AGBL4: variants seen among roughly 807,000 people sequenced by gnomAD.
AGBL4 encodes the protein AGBL carboxypeptidase 4.
Under a neutral mutation model 66.4 loss-of-function variants are expected in AGBL4, and 58 were observed. That is an observed-to-expected ratio of 0.87 (90% CI 0.71 to 1.09). AGBL4 has a LOEUF of 1.09. Ranked by LOEUF, AGBL4 falls within the 50% of genes least tolerant of loss-of-function variation. The probability of loss-of-function intolerance (pLI) is 0.00; values close to 1 mark genes in which losing one functional copy is unlikely to be tolerated. For missense variants in AGBL4, 579 were observed against 631.0 expected (o/e 0.92, Z 0.88); for synonymous variants, 234 against 222.9 (o/e 1.05, Z -0.44).
intron 2 of AGBL4, chr1:49,846,525 A>C: frequency 1.5e-6 from 1 of 661,190 alleles, no homozygotes; most frequent in Non-Finnish European, 2.4e-6. Context: ...ACAGACTAAT[A>C]CAAAAGTGAA....
intron 2 of AGBL4, among the ~76,000 whole-genome samples, chr1:49,765,929 T>C (rs958330199): frequency 2.0e-5 from 3 of 152,132 alleles, no homozygotes; most frequent in Non-Finnish European, 4.4e-5. Context: ...TTGAGAAATA[T>C]GGAATTATGT....
intron 3 of AGBL4, among the ~76,000 whole-genome samples, chr1:49,556,339 G>A (rs1462574805): frequency 6.6e-6 from 1 of 151,974 alleles, no homozygotes; most frequent in Non-Finnish European, 1.5e-5. Flanking sequence ...GGAACACTTG[G>A]ACACAGGAAG....
At chr1:49,990,619 T>G (rs1157280670) in intron 1 of AGBL4, among the ~76,000 whole-genome samples, 1 of 152,192 alleles carries the variant, frequency 6.6e-6, no homozygotes, top group Non-Finnish European at 1.5e-5. Flanking sequence ...TTCTTTTAGC[T>G]ACTGTATACA....
chr1:49,107,387 A>C (rs964846539), intron 4 of AGBL4, among the ~76,000 whole-genome samples: 2 of 152,210 alleles, frequency 1.3e-5, no homozygotes, highest in Non-Finnish European at 2.9e-5. Flanking sequence ...TTCAACTTAC[A>C]ATAGGTTTAT....
intron 6 of AGBL4, among the ~76,000 whole-genome samples, chr1:48,861,655 C>G (rs1313276836): frequency 6.6e-6 from 1 of 152,184 alleles, no homozygotes; most frequent in Non-Finnish European, 1.5e-5. Flanking sequence ...GAATGCAAGA[C>G]AGGCTTTCCC....
At chr1:48,792,400 A>T (rs1274565587) in intron 6 of AGBL4, among the ~76,000 whole-genome samples, 1 of 152,220 alleles carries the variant, frequency 6.6e-6, no homozygotes, top group African/African-American at 2.4e-5. Context: ...TGGCATCCCT[A>T]GGAAACCAAT....
In AGBL4 at chr1:48,618,440, C is replaced by T. The variant is rs554290518; in HGVS notation, c.951+16053G>A. On this transcript the variant is annotated intron_variant, in intron 9 of 13. Coordinates refer to ENST00000371839, the MANE Select transcript of AGBL4 (RefSeq NM_032785.4). Reference sequence around the variant, plus strand: ...TTTGATTAACAATTCTATAGTACTACAGTCCCACTGTGTGACCTGGAGCAA... The same window carrying T: ...TTTGATTAACAATTCTATAGTACTATAGTCCCACTGTGTGACCTGGAGCAA... Among the ~76,000 whole-genome samples the T allele has an allele frequency of 3.9e-5, 6 of 152,266 alleles. No individual in the cohort carries two copies. The South Asian group carries it at 1.0e-3, about 26-fold the overall frequency.
At chr1:48,941,164 G>A (rs1655937425) in intron 5 of AGBL4, among the ~76,000 whole-genome samples, 2 of 152,226 alleles carry the variant, frequency 1.3e-5, no homozygotes, top group African/African-American at 4.8e-5. Context: ...TCCTAGTATA[G>A]TGAATATCAG....
chr1:48,990,197 G>A (rs1487065511), intron 5 of AGBL4, among the ~76,000 whole-genome samples: 1 of 152,002 alleles, frequency 6.6e-6, no homozygotes, highest in Non-Finnish European at 1.5e-5. Flanking sequence ...GAAATGTCTA[G>A]TCAAATCTTT....
At chr1:48,550,097 C>T (rs775718630) in intron 11 of AGBL4, among the ~76,000 whole-genome samples, 4 of 152,096 alleles carry the variant, frequency 2.6e-5, no homozygotes, top group Admixed American at 6.5e-5. Context: ...AATGCTTATA[C>T]GGAAATTGTG....
chr1:49,708,052 GTA>G (rs1479524877), intron 2 of AGBL4, among the ~76,000 whole-genome samples: 1 of 152,062 alleles, frequency 6.6e-6, no homozygotes, highest in Non-Finnish European at 1.5e-5. Flanking sequence ...TTCTTGAGAA[GTA>G]TCTTTGTGGT....
At chr1:49,340,575 A>G (rs189088026) in intron 3 of AGBL4, among the ~76,000 whole-genome samples, 8 of 152,312 alleles carry the variant, frequency 5.3e-5, no homozygotes, top group East Asian at 1.9e-4. Context: ...TGAAACCTCA[A>G]CTTAAATTTC....
At chr1:49,487,289 T>A (rs998449981) in intron 3 of AGBL4, among the ~76,000 whole-genome samples, 11 of 152,142 alleles carry the variant, frequency 7.2e-5, no homozygotes, top group Admixed American at 7.2e-4. Context: ...GTGCTAAATG[T>A]TCTACAGGCA....
chr1:49,563,643 A>G (rs1644113003), intron 3 of AGBL4, among the ~76,000 whole-genome samples: 1 of 152,158 alleles, frequency 6.6e-6, no homozygotes, highest in South Asian at 2.1e-4. Flanking sequence ...CCAGCCTTGC[A>G]TCCCAGGGAT....
intron 6 of AGBL4, among the ~76,000 whole-genome samples, chr1:48,841,344 TGTCTTTGTAATCTAAGGGTAGA>T (rs1357262748): frequency 6.6e-6 from 1 of 151,254 alleles, no homozygotes; most frequent in African/African-American, 2.4e-5. Context: ...TTTTCTAAGG[TGTCTTTGTAATCTAAGGGTAGA>T]GTCTTGGTTA....
intron 3 of AGBL4, among the ~76,000 whole-genome samples, chr1:49,521,532 A>G (rs752040988): frequency 3.3e-5 from 5 of 152,072 alleles, no homozygotes; most frequent in African/African-American, 7.2e-5. Flanking sequence ...AAAAATCAAC[A>G]AAAATAAGCA....
At chr1:48,719,687 A>G (rs1294782147) in intron 6 of AGBL4, among the ~76,000 whole-genome samples, 1 of 152,206 alleles carries the variant, frequency 6.6e-6, no homozygotes, top group African/African-American at 2.4e-5. Flanking sequence ...ATTGCTCACA[A>G]TAATTATAAA....
chr1:48,652,748 G>C (rs1333001784), intron 8 of AGBL4, among the ~76,000 whole-genome samples: 1 of 152,116 alleles, frequency 6.6e-6, no homozygotes, highest in African/African-American at 2.4e-5. Flanking sequence ...TGGAATTTTA[G>C]GCTGTAAATT....
intron 3 of AGBL4, among the ~76,000 whole-genome samples, chr1:49,434,853 G>A (rs1209629817): frequency 6.6e-6 from 1 of 152,044 alleles, no homozygotes; most frequent in Non-Finnish European, 1.5e-5. Flanking sequence ...CAAAGGTGAT[G>A]GGAAGTTATT....
Sources: allele counts gnomAD v4.1 joint callset (sites outside exome capture counted in the v4.1 genomes callset), GRCh38; gene constraint gnomAD v4.1.1; transcripts MANE v1.5; gene names NCBI Gene and HGNC (gene_info 2026-07-23, HGNC 2026-07-21).